DSC2: variants seen among roughly 807,000 people sequenced by gnomAD.
The protein encoded by DSC2 is desmocollin 2, also known as desmocollin-2.
Under a neutral mutation model 87.6 loss-of-function variants are expected in DSC2, and 51 were observed. That is an observed-to-expected ratio of 0.58 (90% confidence interval 0.46 to 0.74). The LOEUF (loss-of-function observed/expected upper bound fraction) is 0.74. DSC2 is among the 30% of genes least tolerant of loss of function. DSC2 has a pLI of 0.00. For synonymous variants in DSC2, 383 were observed against 393.2 expected, an observed-to-expected ratio of 0.97 and a Z score of 0.31; for missense variants, 1,066 against 1,089.5, an observed-to-expected ratio of 0.98 and a Z score of 0.30.
intron 11 of DSC2, among the ~76,000 whole-genome samples, chr18:31,076,701 C>T (rs1987027968): frequency 6.6e-6 from 1 of 152,074 alleles, no homozygotes; most frequent in South Asian, 2.1e-4. Context: ...GCTGAGAATA[C>T]TCCAGAATTA....
At chr18:31,091,399 G>A (rs1266493399) in intron 3 of DSC2, 5 of 577,510 alleles carry the variant, frequency 8.7e-6, no homozygotes, top group Non-Finnish European at 1.6e-5. Context: ...GATGGAACTG[G>A]AAGCCTAGAA....
chr18:31,082,553 A>G (rs1246221104), intron 8 of DSC2, 130 bp from the exon 9 acceptor site: 2 of 856,678 alleles, frequency 2.3e-6, no homozygotes, highest in African/African-American at 1.7e-5. Flanking sequence ...CTAGCACTAT[A>G]CAACTTTTAA....
At chr18:31,071,946 T>C (rs1986852390) in intron 12 of DSC2, 105 bp from the exon 13 acceptor site, 1 of 1,025,252 alleles carries the variant, frequency 9.8e-7, no homozygotes, top group Non-Finnish European at 1.5e-6. Flanking sequence ...GAAACAGATA[T>C]TCCTGATGGG....
In DSC2 at chr18:31,093,648, A is replaced by C. The variant is rs1298944362; in HGVS notation, c.70-5T>G. The stretch of plus-strand genomic sequence containing the variant: ...ATCACTGGCAAATATTAAGATCTAA[A>C]AAATGAAAAAAAATCAAATAAATAT... On this transcript the variant is annotated splice_polypyrimidine_tract_variant and splice_region_variant and intron_variant, in intron 1 of 15. Transcript: ENST00000280904. The C allele has an allele frequency of 1.3e-6, 2 of 1,559,344 alleles. No homozygotes were observed. Among genetic ancestry groups the C allele is most frequent in the Admixed American group, 3.4e-5 (2 of 58,714 alleles).
At chr18:31,101,829 C>A in intron 1 of DSC2, 74 bp downstream of exon 1, 1 of 1,458,964 alleles carries the variant, frequency 6.9e-7, no homozygotes, top group African/African-American at 1.5e-5. Flanking sequence ...CCACCTATCC[C>A]CGTTCCCCTA....
rs1370456357 is a variant in DSC2 at position 31,058,963 on chromosome 18, G to A, written c.*9052C>T. 4 of 152,074 alleles carry A rather than the reference G, an allele frequency of 2.6e-5. No homozygotes were observed. The highest frequency in any genetic ancestry group is 2.1e-4 in the South Asian group (1 of 4,832). The allele number at this position is 152,074 out of a possible 1,614,324, so 9.4% of individuals were successfully genotyped here. A position where few individuals can be genotyped will look rare whatever the true frequency, so the allele number is the denominator to read the frequency against. ...TAGATACCAAATAAATTTTAACACC[G>A]AACATTTACATAGAACTATGTTCTA... On this transcript the variant is annotated 3_prime_UTR_variant, in exon 16 of 16. Transcript: ENST00000280904.
chr18:31,076,672 A>G (rs142205619), intron 11 of DSC2, among the ~76,000 whole-genome samples: 64 of 152,306 alleles, frequency 4.2e-4, no homozygotes, highest in African/African-American at 1.5e-3. Flanking sequence ...CAGAGAAGCA[A>G]TAGTTAAAGA....
At chr18:31,078,423 G>C (rs1987092468) in intron 11 of DSC2, among the ~76,000 whole-genome samples, 1 of 152,060 alleles carries the variant, frequency 6.6e-6, no homozygotes, top group African/African-American at 2.4e-5. Flanking sequence ...ACAAATATTT[G>C]ATCTCTCAAT....
chr18:31,074,612 A>G, intron 12 of DSC2, 71 bp downstream of exon 12: 1 of 1,427,740 alleles, frequency 7.0e-7, no homozygotes, highest in Non-Finnish European at 9.6e-7. Flanking sequence ...CTCCTATTTC[A>G]TACAAAAAAA....
intron 1 of DSC2, among the ~76,000 whole-genome samples, chr18:31,095,830 C>T (rs1987744520): frequency 6.6e-6 from 1 of 151,818 alleles, no homozygotes; most frequent in Non-Finnish European, 1.5e-5. Flanking sequence ...ATCTAAAAGC[C>T]AGGTGAGGTC....
At chr18:31,092,941 T>G (rs531472454) in intron 2 of DSC2, among the ~76,000 whole-genome samples, 2 of 152,338 alleles carry the variant, frequency 1.3e-5, no homozygotes, top group African/African-American at 4.8e-5. Context: ...TAATTATTAC[T>G]CAAGTGAAAT....
chr18:31,073,848 G>T (rs1454162062), intron 12 of DSC2, among the ~76,000 whole-genome samples: 1 of 152,204 alleles, frequency 6.6e-6, no homozygotes, highest in Non-Finnish European at 1.5e-5. Context: ...TACACATGGG[G>T]AACCGAGTTA....
chr18:31,071,575 T>A (rs2144790330), intron 13 of DSC2, 30 bp downstream of exon 13: 1 of 1,595,722 alleles, frequency 6.3e-7, no homozygotes, highest in Admixed American at 1.7e-5. Context: ...AAGGGTATTA[T>A]TTGAATTCAA....
In DSC2 at chr18:31,102,046, C is replaced by T; in HGVS notation, c.-75G>A. ...GGGCTCCGCGGGGCGAGGGCCGCGG[C>T]CGGAGCGCAGTCTGGGCCCGCTGCT... On this transcript the variant is annotated 5_prime_UTR_variant, in exon 1 of 16. Transcript: ENST00000280904. 1 of 1,283,976 alleles carries T rather than the reference C, an allele frequency of 7.8e-7. No individual in the cohort carries two copies. Among genetic ancestry groups the T allele is most frequent in the Non-Finnish European group, 1.0e-6 (1 of 988,848 alleles). The allele number at this position is 1,283,976 out of a possible 1,614,324, so 79.5% of individuals were successfully genotyped here. A position where few individuals can be genotyped will look rare whatever the true frequency, so the allele number is the denominator to read the frequency against.
At chr18:31,090,539 T>A (rs1376898296) in intron 4 of DSC2, among the ~76,000 whole-genome samples, 1 of 151,464 alleles carries the variant, frequency 6.6e-6, no homozygotes, top group Non-Finnish European at 1.5e-5. Flanking sequence ...CTAAGCAACA[T>A]AGTGAGATCT....
At chr18:31,084,664 GCTT>G in intron 7 of DSC2, among the ~76,000 whole-genome samples, 1 of 142,192 alleles carries the variant, frequency 7.0e-6, no homozygotes, top group East Asian at 2.1e-4. Flanking sequence ...TTGAGTTTTT[GCTT>G]TTTTTTTTTT....
intron 11 of DSC2, among the ~76,000 whole-genome samples, chr18:31,075,707 A>G (rs1466995710): frequency 1.3e-5 from 2 of 152,088 alleles, no homozygotes; most frequent in African/African-American, 2.4e-5. Context: ...AAAATTAGCC[A>G]GGCATGGTGG....
Position 31,091,121 on chromosome 18 carries a change from T to TTCTTTA in DSC2, c.375_380dup (p.Lys126_Glu127insAspLys). ...TTCTCTTGGCGCGCCTTAGAACTTT[T>TTCTTTA]TCTTTAGTATGTCTTTTCTTTAGGA... On this transcript the variant is annotated inframe_insertion, in exon 4 of 16. Coordinates refer to ENST00000280904, the MANE Select transcript of DSC2 (RefSeq NM_024422.6). 6.2e-7 allele frequency: 1 copy of TTCTTTA among 1,614,000 alleles called. No homozygotes were observed. The highest frequency in any genetic ancestry group is 8.5e-7 in the Non-Finnish European group (1 of 1,179,928).
chr18:31,065,524 G>T lies in DSC2; in HGVS notation c.*2491C>A, dbSNP rs1986592617. On this transcript the variant is annotated 3_prime_UTR_variant, in exon 16 of 16. Transcript: ENST00000280904. ...TCAAATCCCACAGCTAGTAAGGATA[G>T]AGCCGGAATTTGCATCAAGACACTC... 6.6e-6 allele frequency: 1 copy of T among 152,192 alleles called. No individual in the cohort carries two copies. Among genetic ancestry groups the T allele is most frequent in the Admixed American group, 6.5e-5 (1 of 15,270 alleles). 9.4% of individuals were successfully genotyped at this position (152,192 alleles called of 1,614,324 possible).
Sources: gnomAD v4.1 joint callset for allele counts (sites outside exome capture counted in the v4.1 genomes callset) on GRCh38, gnomAD v4.1.1 for gene constraint, MANE v1.5 for transcripts, NCBI Gene and HGNC (gene_info 2026-07-23, HGNC 2026-07-21) for gene names.